The following RARB variants were observed in gnomAD, a reference collection of about 807,000 sequenced individuals.
RARB encodes the protein HBV-activated protein.
A neutral mutation model predicts 51.9 loss-of-function variants in RARB; 17 were observed. The ratio of observed to expected loss-of-function variants is 0.33; its 90% CI spans 0.22 to 0.49. RARB has a LOEUF of 0.49. Among genes scored for constraint, RARB ranks in the 20% least tolerant of loss-of-function variants. The probability of loss-of-function intolerance (pLI) is 0.99; values close to 1 mark genes in which losing one functional copy is unlikely to be tolerated. For missense variants in RARB, 369 were observed against 550.8 expected, an observed-to-expected ratio of 0.67 and a Z score of 3.30; for synonymous variants, 215 against 195.4, an observed-to-expected ratio of 1.10 and a Z score of -0.84.
At chr3:24,971,421 A>G (rs1466106758) in intron 2 of RARB, among the ~76,000 whole-genome samples, 1 of 152,072 alleles carries the variant, frequency 6.6e-6, no homozygotes, top group East Asian at 1.9e-4. Context: ...GTTTTTGAAG[A>G]TAGACATAAC....
Position 25,059,467 on chromosome 3 carries a change from T to C in RARB, c.-379-658T>C, listed in dbSNP as rs79339571. Among the ~76,000 whole-genome samples, 660 of 151,990 alleles carry C rather than the reference T, an allele frequency of 4.3e-3. 11 individuals carry two copies. The highest frequency in any genetic ancestry group is 0.037 in the South Asian group (177 of 4,822). On this transcript the variant is annotated intron_variant, in intron 2 of 11. Coordinates refer to the RARB transcript ENST00000383772. ...CTCACTTTTACTTGGTACTTGTTTT[T>C]ATTTTTAACTTCTGTCATTTTAGTA...
At chr3:24,932,152 G>C (rs146345404) in intron 2 of RARB, among the ~76,000 whole-genome samples, 2 of 152,044 alleles carry the variant, frequency 1.3e-5, no homozygotes, top group Admixed American at 1.3e-4. Context: ...TGAGAAAGCG[G>C]TGATGGGCTT....
chr3:25,422,790 A>G (rs927346583), intron 5 of RARB, among the ~76,000 whole-genome samples: 2 of 152,152 alleles, frequency 1.3e-5, no homozygotes, highest in African/African-American at 4.8e-5. Context: ...AAGGGAAGGA[A>G]AAGTAAAGTG....
intron 5 of RARB, among the ~76,000 whole-genome samples, chr3:25,286,083 CTTTTTTTTTTTTTTT>C (rs33947703): frequency 1.3e-5 from 1 of 76,476 alleles, no homozygotes; most frequent in Non-Finnish European, 2.3e-5. Context: ...TGATCTTTCT[CTTTTTTTTTTTTTTT>C]TTTTTTTTTT....
chr3:25,424,876 G>A (rs1253088991), upstream of RARB, among the ~76,000 whole-genome samples: 4 of 152,196 alleles, frequency 2.6e-5, no homozygotes, highest in Non-Finnish European at 2.9e-5. Flanking sequence ...GGTAATTGCT[G>A]TACGAAAACC....
intron 3 of RARB, among the ~76,000 whole-genome samples, chr3:25,534,327 T>G (rs1199248970): frequency 1.3e-5 from 2 of 152,226 alleles, no homozygotes; most frequent in African/African-American, 2.4e-5. Context: ...GGGTACTTTG[T>G]ACCTGGTATA....
chr3:25,071,672 T>C (rs1252072990), intron 3 of RARB, among the ~76,000 whole-genome samples: 4 of 152,212 alleles, frequency 2.6e-5, no homozygotes, highest in Non-Finnish European at 5.9e-5. Context: ...GGAATGCTGA[T>C]CAATGGCATG....
intron 5 of RARB, among the ~76,000 whole-genome samples, chr3:25,196,812 G>T (rs1304823013): frequency 6.6e-6 from 1 of 152,150 alleles, no homozygotes; most frequent in Non-Finnish European, 1.5e-5. Context: ...GCATTTGTCT[G>T]ATGAGCAGTG....
intron 3 of RARB, among the ~76,000 whole-genome samples, chr3:25,120,220 C>T (rs75557955): frequency 0.02 from 2,969 of 152,134 alleles, 80 homozygotes; most frequent in African/African-American, 0.058. Flanking sequence ...AGATGAAAGA[C>T]GATAAATGGC....
intron 5 of RARB, among the ~76,000 whole-genome samples, chr3:25,201,006 G>T (rs553673548): frequency 6.6e-6 from 1 of 152,236 alleles, no homozygotes; most frequent in East Asian, 1.9e-4. Flanking sequence ...GATGAGGATG[G>T]CATTGAATCT....
chr3:25,215,424 G>A (rs1295436884), intron 5 of RARB, among the ~76,000 whole-genome samples: 2 of 152,154 alleles, frequency 1.3e-5, no homozygotes, highest in African/African-American at 2.4e-5. Flanking sequence ...AATTTATGGA[G>A]GTCGTCTGAC....
chr3:25,072,831 G>A (rs1341363176), intron 3 of RARB, among the ~76,000 whole-genome samples: 1 of 151,690 alleles, frequency 6.6e-6, no homozygotes, highest in Admixed American at 6.6e-5. Flanking sequence ...GCCTCAGCCT[G>A]CCGAGTAGCT....
rs184117877 is a variant in RARB at position 24,956,857 on chromosome 3, G to C, written c.-380+98105G>C. 4.3e-3 allele frequency among the ~76,000 whole-genome samples: 655 copies of C among 152,254 alleles called. 2 individuals carry two copies. The highest frequency in any genetic ancestry group is 0.01 in the Middle Eastern group (3 of 294). On this transcript the variant is annotated intron_variant, in intron 2 of 11. Coordinates refer to the RARB transcript ENST00000383772. ...GGAAGGTTATTGGAAAGTTCCTTGGGTTCTATGCCTGTAAGGGAACGAGGA... is the reference window on the plus strand; with the variant it reads ...GGAAGGTTATTGGAAAGTTCCTTGGCTTCTATGCCTGTAAGGGAACGAGGA...
At chr3:25,369,601 A>G (rs1489814872) in intron 5 of RARB, among the ~76,000 whole-genome samples, 1 of 152,216 alleles carries the variant, frequency 6.6e-6, no homozygotes, top group East Asian at 1.9e-4. Flanking sequence ...ATGCTGTCAC[A>G]TTGGCATAAG....
chr3:24,886,049 G>T (rs7340729), intron 2 of RARB, among the ~76,000 whole-genome samples: 2 of 152,046 alleles, frequency 1.3e-5, no homozygotes, highest in East Asian at 1.9e-4. Context: ...CCATATACTA[G>T]GGTTCTTCTG....
At position 24,885,685 on chromosome 3, in the gene RARB, A is replaced by T. The variant is rs78427177; in HGVS notation, c.-380+26933A>T. On this transcript the variant is annotated intron_variant, in intron 2 of 11. Transcript: ENST00000383772. Reference sequence around the variant, plus strand: ...GTTAAGATTCCTCAGCTAGGGTTAGAATTGGGTAAGACAGAAAACTAGAGT... The same window carrying T: ...GTTAAGATTCCTCAGCTAGGGTTAGTATTGGGTAAGACAGAAAACTAGAGT... Among the ~76,000 whole-genome samples, 356 of 152,282 alleles carry T rather than the reference A, an allele frequency of 2.3e-3. 10 individuals carry two copies. In the East Asian group the frequency reaches 0.059, roughly 25 times the overall value.
chr3:25,485,283 G>T (rs2125586151), intron 2 of RARB, among the ~76,000 whole-genome samples: 1 of 152,312 alleles, frequency 6.6e-6, no homozygotes. Flanking sequence ...TTGCTCCTAG[G>T]AGGTCAACTT....
intron 3 of RARB, among the ~76,000 whole-genome samples, chr3:25,109,478 C>T (rs1199924147): frequency 6.6e-6 from 1 of 152,068 alleles, no homozygotes; most frequent in Non-Finnish European, 1.5e-5. Context: ...AGTACAAAAA[C>T]ACTGAAATTT....
At chr3:25,066,755 C>A (rs1025094623) in intron 3 of RARB, among the ~76,000 whole-genome samples, 4 of 151,126 alleles carry the variant, frequency 2.6e-5, no homozygotes, top group South Asian at 2.1e-4. Flanking sequence ...CAAAAAAAAA[C>A]AGAAAAATAA....
Sources: gnomAD v4.1 joint callset for allele counts (sites outside exome capture counted in the v4.1 genomes callset) on GRCh38, gnomAD v4.1.1 for gene constraint, MANE v1.5 for transcripts, NCBI Gene and HGNC (gene_info 2026-07-23, HGNC 2026-07-21) for gene names.